HS3ST4: variants seen among roughly 807,000 people sequenced by gnomAD.
HS3ST4 encodes heparan sulfate glucosamine 3-O-sulfotransferase 4.
A neutral mutation model predicts 29.2 loss-of-function variants in HS3ST4; 17 were observed. The ratio of observed to expected loss-of-function variants is 0.58; its 90% CI spans 0.40 to 0.87. The LOEUF is 0.87. Among genes scored for constraint, HS3ST4 ranks in the 40% least tolerant of loss-of-function variants. The pLI, the probability that HS3ST4 is intolerant of heterozygous loss-of-function variation, is 0.00. For synonymous variants in HS3ST4, 314 were observed against 285.7 expected (o/e 1.10, Z -1.00); for missense variants, 627 against 634.5 (o/e 0.99, Z 0.13).
In HS3ST4 at chr16:25,858,251, A is replaced by G. The variant is rs866767909; in HGVS notation, c.734+165100A>G. Among the ~76,000 whole-genome samples, 88 of 152,136 alleles carry G rather than the reference A, an allele frequency of 5.8e-4. 2 individuals are homozygous for G. Among genetic ancestry groups the G allele is most frequent in the Non-Finnish European group, 2.8e-4 (19 of 68,004 alleles). On this transcript the variant is annotated intron_variant, in intron 1 of 1. Coordinates refer to ENST00000331351, the MANE Select transcript of HS3ST4 (RefSeq NM_006040.3). ...AAATTATACAAACTTGCATGCACAT[A>G]TATAATTTCACACACACATCTTTCA...
At chr16:26,011,447 C>T (rs939088138) in intron 1 of HS3ST4, among the ~76,000 whole-genome samples, 1 of 152,142 alleles carries the variant, frequency 6.6e-6, no homozygotes, top group African/African-American at 2.4e-5. Flanking sequence ...GTAATCCTGG[C>T]TATTCGGGAG....
At chr16:26,051,921 CCTTCCTTCCTTCCTTCCGT>C (rs1353076246) in intron 1 of HS3ST4, among the ~76,000 whole-genome samples, 2 of 125,814 alleles carry the variant, frequency 1.6e-5, no homozygotes, top group Non-Finnish European at 3.2e-5. Context: ...TCCCTTCCTT[CCTTCCTTCCTTCCTTCCGT>C]CCTTCCTTCC....
chr16:25,722,912 A>G (rs1966507376), intron 1 of HS3ST4, among the ~76,000 whole-genome samples: 1 of 152,238 alleles, frequency 6.6e-6, no homozygotes, highest in Non-Finnish European at 1.5e-5. Flanking sequence ...TTTATAAAGA[A>G]AAAGAGGTTT....
chr16:25,924,224 C>A (rs1968381987), intron 1 of HS3ST4, among the ~76,000 whole-genome samples: 1 of 152,156 alleles, frequency 6.6e-6, no homozygotes, highest in African/African-American at 2.4e-5. Flanking sequence ...TTCTGTACGG[C>A]CAATCTGTCA....
At chr16:25,903,167 T>C (rs1968135741) in intron 1 of HS3ST4, among the ~76,000 whole-genome samples, 1 of 151,636 alleles carries the variant, frequency 6.6e-6, no homozygotes, top group African/African-American at 2.4e-5. Flanking sequence ...CACTGTGACA[T>C]TAGACCTCAG....
chr16:26,126,162 G>A (rs1204037858), intron 1 of HS3ST4, among the ~76,000 whole-genome samples: 1 of 152,134 alleles, frequency 6.6e-6, no homozygotes, highest in Non-Finnish European at 1.5e-5. Flanking sequence ...TGGTCACATG[G>A]GACTTGGCTT....
In HS3ST4 at chr16:25,933,104, G is replaced by A. The variant is rs114124036; in HGVS notation, c.735-202508G>A. On this transcript the variant is annotated intron_variant, in intron 1 of 1. Transcript: ENST00000331351. ...AGTTGAAACTCATATTTTGCTTCTC[G>A]GTATCTGTTTCCTTCTGAAAAGCTG... Among the ~76,000 whole-genome samples the A allele has an allele frequency of 2.6e-3, 402 of 152,124 alleles. 1 individual carries two copies. Among genetic ancestry groups the A allele is most frequent in the African/African-American group, 9.4e-3 (390 of 41,500 alleles).
At chr16:25,976,070 C>T (rs1339964781) in intron 1 of HS3ST4, among the ~76,000 whole-genome samples, 1 of 152,126 alleles carries the variant, frequency 6.6e-6, no homozygotes, top group Admixed American at 6.6e-5. Flanking sequence ...AAGTTTGTCC[C>T]GGTTCACAGT....
intron 1 of HS3ST4, among the ~76,000 whole-genome samples, chr16:25,982,682 C>T (rs191703024): frequency 3.3e-5 from 5 of 151,852 alleles, no homozygotes; most frequent in East Asian, 3.9e-4. Context: ...TTTTTTAAAC[C>T]GGTAGGGTAT....
chr16:25,962,798 G>A (rs1412275123), intron 1 of HS3ST4, among the ~76,000 whole-genome samples: 2 of 152,182 alleles, frequency 1.3e-5, no homozygotes, highest in African/African-American at 2.4e-5. Flanking sequence ...CAGGCTGGGA[G>A]ATGTGGAGGT....
At chr16:25,810,982 A>G (rs1398027141) in intron 1 of HS3ST4, among the ~76,000 whole-genome samples, 2 of 152,238 alleles carry the variant, frequency 1.3e-5, no homozygotes, top group African/African-American at 4.8e-5. Flanking sequence ...CAGATAATGT[A>G]TCTTTAATCT....
intron 1 of HS3ST4, among the ~76,000 whole-genome samples, chr16:25,840,605 A>T (rs1316862022): frequency 6.6e-6 from 1 of 152,086 alleles, no homozygotes; most frequent in East Asian, 1.9e-4. Flanking sequence ...TATAAAAGTG[A>T]TTTTTTTCCA....
chr16:25,927,173 A>C (rs556652319), intron 1 of HS3ST4, among the ~76,000 whole-genome samples: 146 of 152,356 alleles, frequency 9.6e-4, no homozygotes, highest in African/African-American at 3.2e-3. Context: ...TTGATTCCTC[A>C]CAGGCAATGG....
At chr16:25,903,110 C>T (rs1968135209) in intron 1 of HS3ST4, among the ~76,000 whole-genome samples, 1 of 151,742 alleles carries the variant, frequency 6.6e-6, no homozygotes, top group Admixed American at 6.6e-5. Flanking sequence ...TCCATACTGG[C>T]TGGAAAGATT....
chr16:26,078,690 A>G (rs1898693713), intron 1 of HS3ST4, among the ~76,000 whole-genome samples: 1 of 152,238 alleles, frequency 6.6e-6, no homozygotes, highest in Non-Finnish European at 1.5e-5. Flanking sequence ...CAGAAAGATT[A>G]TAAGACATTA....
intron 1 of HS3ST4, among the ~76,000 whole-genome samples, chr16:26,033,901 G>A (rs1567298418): frequency 6.6e-6 from 1 of 152,148 alleles, no homozygotes; most frequent in Non-Finnish European, 1.5e-5. Flanking sequence ...TGAAGGCTGC[G>A]GTGTAGTCAG....
chr16:25,832,402 G>T (rs369131589), intron 1 of HS3ST4, among the ~76,000 whole-genome samples: 1 of 152,202 alleles, frequency 6.6e-6, no homozygotes, highest in East Asian at 1.9e-4. Flanking sequence ...CCCAGTGAAT[G>T]CCACCAGGGA....
chr16:26,054,070 A>T lies in HS3ST4; in HGVS notation c.735-81542A>T, dbSNP rs140978780. On this transcript the variant is annotated intron_variant, in intron 1 of 1. Transcript: ENST00000331351. ...TACACGTCACTTCCTCCTACATGTC[A>T]TTGGTCAAAGCAGGTCATATGGCCG... Among the ~76,000 whole-genome samples, 422 of 152,220 alleles carry T rather than the reference A, an allele frequency of 2.8e-3. 3 individuals carry two copies. The highest frequency in any genetic ancestry group is 9.8e-3 in the African/African-American group (407 of 41,526).
chr16:25,893,967 T>A (rs563276140), intron 1 of HS3ST4, among the ~76,000 whole-genome samples: 114 of 152,302 alleles, frequency 7.5e-4, no homozygotes, highest in African/African-American at 2.5e-3. Context: ...GGTGAAGCAT[T>A]TCTTCCAGGT....
Sources: gnomAD v4.1 joint callset for allele counts (sites outside exome capture counted in the v4.1 genomes callset) on GRCh38, gnomAD v4.1.1 for gene constraint, MANE v1.5 for transcripts, NCBI Gene and HGNC (gene_info 2026-07-23, HGNC 2026-07-21) for gene names.